The following EXOC6B variants were observed in gnomAD, a reference collection of about 807,000 sequenced individuals.
EXOC6B encodes exocyst complex component 6B, also known as SEC15 homolog B.
A neutral mutation model predicts 113.5 loss-of-function variants in EXOC6B; 54 were observed. That is an observed-to-expected ratio of 0.48 (90% CI 0.38 to 0.60). EXOC6B has a LOEUF of 0.60. EXOC6B is among the 20% of genes least tolerant of loss of function. The pLI is 0.00. For synonymous variants in EXOC6B, 357 were observed against 339.0 expected, an observed-to-expected ratio of 1.05 and a Z score of -0.58; for missense variants, 797 against 977.5, an observed-to-expected ratio of 0.82 and a Z score of 2.46.
rs1480521320 is a variant in EXOC6B, at chr2:72,179,024, C to G, written c.*311G>C. On this transcript the variant is annotated 3_prime_UTR_variant, in exon 22 of 22. Transcript: ENST00000272427. ...TTTTTATGGTTCCTAAGCCCCAGAC[C>G]TAAGCTTTAGAGCCATGGATGAAAG... 1 of 261,872 alleles carries G rather than the reference C, an allele frequency of 3.8e-6. No individual in the cohort carries two copies. Among genetic ancestry groups the G allele is most frequent in the East Asian group, 8.1e-5 (1 of 12,302 alleles). The allele number at this position is 261,872 out of a possible 1,614,324, so 16.2% of individuals were successfully genotyped here.
intron 19 of EXOC6B, among the ~76,000 whole-genome samples, chr2:72,357,377 T>C (rs1443473878): frequency 6.6e-6 from 1 of 152,126 alleles, no homozygotes; most frequent in East Asian, 1.9e-4. Context: ...ATTGTATATA[T>C]GATGGTGGTC....
intron 20 of EXOC6B, among the ~76,000 whole-genome samples, chr2:72,312,692 T>C (rs548281540): frequency 6.1e-4 from 92 of 150,292 alleles, no homozygotes; most frequent in Non-Finnish European, 1.2e-3. Flanking sequence ...GAGGCGGAGG[T>C]TGCAGTGAGC....
intron 6 of EXOC6B, among the ~76,000 whole-genome samples, chr2:72,628,310 G>A (rs1672183846): frequency 3.3e-5 from 5 of 151,510 alleles, no homozygotes; most frequent in Admixed American, 3.3e-4. Flanking sequence ...TTAATTTTTT[G>A]TAGAGACAGA....
At chr2:72,247,984 G>A (rs1193246955) in intron 20 of EXOC6B, among the ~76,000 whole-genome samples, 1 of 152,098 alleles carries the variant, frequency 6.6e-6, no homozygotes, top group Non-Finnish European at 1.5e-5. Flanking sequence ...TCCCTGAGGA[G>A]GCTTTCACCA....
At chr2:72,351,013 G>A (rs977961256) in intron 19 of EXOC6B, among the ~76,000 whole-genome samples, 1 of 152,120 alleles carries the variant, frequency 6.6e-6, no homozygotes, top group Non-Finnish European at 1.5e-5. Flanking sequence ...AATTGTCTGG[G>A]CAGGGGATCA....
At chr2:72,286,840 C>A (rs577021056) in intron 20 of EXOC6B, among the ~76,000 whole-genome samples, 250 of 151,974 alleles carry the variant, frequency 1.6e-3, no homozygotes, top group African/African-American at 5.1e-3. Context: ...AAAAAGATAC[C>A]TAGCAAATCC....
At chr2:72,692,430 C>T (rs879759107) in intron 6 of EXOC6B, among the ~76,000 whole-genome samples, 2 of 151,384 alleles carry the variant, frequency 1.3e-5, no homozygotes, top group African/African-American at 4.9e-5. Flanking sequence ...CGGCTCACTG[C>T]AAGCTCTGCC....
chr2:72,707,399 A>G (rs567468113), intron 6 of EXOC6B, among the ~76,000 whole-genome samples: 36 of 150,406 alleles, frequency 2.4e-4, no homozygotes, highest in Non-Finnish European at 5.0e-4. Flanking sequence ...TTATTCATGT[A>G]TATTTGTCAT....
chr2:72,363,073 A>T (rs1030433172), intron 19 of EXOC6B, among the ~76,000 whole-genome samples: 3 of 152,144 alleles, frequency 2.0e-5, no homozygotes, highest in Non-Finnish European at 2.9e-5. Context: ...TTTAAATCTC[A>T]GTTTCTCTGC....
rs188703601 is a variant in EXOC6B, at chr2:72,316,719, G to T, written c.2196+18228C>A. On this transcript the variant is annotated intron_variant, in intron 20 of 21. Coordinates refer to ENST00000272427, the MANE Select transcript of EXOC6B (RefSeq NM_015189.3). ...CATGGATAAATAAAACAGGGTTCCTGCCCTTAGTGAACTCAGAAGCTAATG... is the reference window on the plus strand; with the variant it reads ...CATGGATAAATAAAACAGGGTTCCTTCCCTTAGTGAACTCAGAAGCTAATG... Among the ~76,000 whole-genome samples, 356 of 152,296 alleles carry T rather than the reference G, an allele frequency of 2.3e-3. 1 individual carries two copies. The highest frequency in any genetic ancestry group is 8.0e-3 in the African/African-American group (332 of 41,586).
chr2:72,661,051 AG>A (rs1674974996), intron 6 of EXOC6B, among the ~76,000 whole-genome samples: 1 of 152,140 alleles, frequency 6.6e-6, no homozygotes, highest in Admixed American at 6.5e-5. Context: ...CACTAAAGAG[AG>A]CCCACAGGAG....
At chr2:72,505,004 C>T (rs1482430398) in intron 11 of EXOC6B, among the ~76,000 whole-genome samples, 1 of 151,998 alleles carries the variant, frequency 6.6e-6, no homozygotes, top group African/African-American at 2.4e-5. Context: ...CAAATTAGTT[C>T]GTGCTGTTAT....
intron 20 of EXOC6B, among the ~76,000 whole-genome samples, chr2:72,319,324 C>T (rs1687715396): frequency 6.6e-6 from 1 of 152,054 alleles, no homozygotes; most frequent in Admixed American, 6.6e-5. Context: ...AATACTCCCC[C>T]ACCCACTAAG....
At chr2:72,460,780 C>A (rs1002639951) in intron 18 of EXOC6B, among the ~76,000 whole-genome samples, 1 of 151,972 alleles carries the variant, frequency 6.6e-6, no homozygotes, top group African/African-American at 2.4e-5. Context: ...CTAGTTCAAC[C>A]ATTGTGGCAG....
intron 6 of EXOC6B, among the ~76,000 whole-genome samples, chr2:72,602,485 A>G (rs897447743): frequency 6.6e-6 from 1 of 152,212 alleles, no homozygotes; most frequent in Non-Finnish European, 1.5e-5. Context: ...AACCAAGTTG[A>G]CAGCTCCATA....
In EXOC6B at chr2:72,741,416, C is replaced by T. The variant is rs201814463; in HGVS notation, c.167G>A (p.Arg56His). 37 of 1,613,464 alleles carry T rather than the reference C, an allele frequency of 2.3e-5. No individual in the cohort carries two copies. Among genetic ancestry groups the T allele is most frequent in the Admixed American group, 3.3e-5 (2 of 59,970 alleles). ...HGRFMEKLETRIRNHDREIEK... is the reference protein window; with the variant it reads ...HGRFMEKLETHIRNHDREIEK... ...AATTTCTCGGTCGTGATTACGGATA[C>T]GAGTTTCAAGCTTCTCCATGAAACG... is the stretch of plus-strand genomic sequence containing the variant. The change falls in exon 2 of 22, where the codon CGT becomes CAT. Residue 56 changes from arginine to histidine, a missense_variant. Transcript: ENST00000272427.
intron 6 of EXOC6B, among the ~76,000 whole-genome samples, chr2:72,670,483 T>C (rs1675714411): frequency 6.6e-6 from 1 of 152,234 alleles, no homozygotes; most frequent in African/African-American, 2.4e-5. Flanking sequence ...TAGGTCTCTC[T>C]TTGTTTAATC....
Position 72,514,247 on chromosome 2 carries a change from T to C in EXOC6B, c.1046+387A>G, listed in dbSNP as rs1701096166. Among the ~76,000 whole-genome samples the C allele has an allele frequency of 3.3e-5, 5 of 152,156 alleles. No individual in the cohort carries two copies. In the South Asian group the frequency reaches 1.0e-3, roughly 32 times the overall value. On this transcript the variant is annotated intron_variant, in intron 10 of 21. Coordinates refer to ENST00000272427, the MANE Select transcript of EXOC6B (RefSeq NM_015189.3). Reference sequence around the variant, plus strand: ...CAGTTGTGAAAGAGACCATATGGCCTACTAAGCCTAAAATATTTTACTATC... The same window carrying C: ...CAGTTGTGAAAGAGACCATATGGCCCACTAAGCCTAAAATATTTTACTATC...
chr2:72,667,327 T>G lies in EXOC6B; in HGVS notation c.669+50776A>C, dbSNP rs534940093. Among the ~76,000 whole-genome samples, 14 of 152,356 alleles carry G rather than the reference T, an allele frequency of 9.2e-5. No homozygotes were observed. The South Asian group carries it at 2.3e-3, about 25-fold the overall frequency. On this transcript the variant is annotated intron_variant, in intron 6 of 21. Transcript: ENST00000272427. ...AAAGCAATTTACAGATTCAACACTA[T>G]TCCTATCAAACTACTAACATCATTT... is the stretch of plus-strand genomic sequence containing the variant.
Sources: gnomAD v4.1 joint callset for allele counts (sites outside exome capture counted in the v4.1 genomes callset) on GRCh38, gnomAD v4.1.1 for gene constraint, MANE v1.5 for transcripts, NCBI Gene and HGNC (gene_info 2026-07-23, HGNC 2026-07-21) for gene names.